Variants in PVT1 observed in about 807,000 individuals in gnomAD.
PVT1 encodes the protein Pvt1 oncogene.
chr8:127,968,392 G>C (rs1293980950), intron 3 of PVT1, among the ~76,000 whole-genome samples: 1 of 152,050 alleles, frequency 6.6e-6, no homozygotes, highest in Non-Finnish European at 1.5e-5. Context: ...GGGATGGGGG[G>C]TGGTTTGAAA....
chr8:127,999,128 T>C (rs562653170), intron 4 of PVT1: 5 of 152,046 alleles, frequency 3.3e-5, no homozygotes, highest in Non-Finnish European at 7.4e-5. Context: ...TTAACACATA[T>C]GAATACTTAC....
intron 4 of PVT1, among the ~76,000 whole-genome samples, chr8:128,051,533 C>A (rs1813695222): frequency 6.6e-6 from 1 of 152,114 alleles, no homozygotes; most frequent in Admixed American, 6.5e-5. Flanking sequence ...AACTTTCTAT[C>A]ACCTTCTCCT....
At chr8:127,879,480 G>C (rs1028447304) in intron 2 of PVT1, among the ~76,000 whole-genome samples, 13 of 152,320 alleles carry the variant, frequency 8.5e-5, no homozygotes, top group African/African-American at 2.9e-4. Flanking sequence ...AGTGAGCTGA[G>C]ATCACGCCAC....
chr8:128,069,154 C>T lies in PVT1; in HGVS notation n.913-1006C>T, dbSNP rs554907080. On this transcript the variant is annotated intron_variant and non_coding_transcript_variant, in intron 4 of 10. Transcript: ENST00000651587. ...GATGTGGCAATTACATAAGGTATTG[C>T]GTCCTTCCTGAGATTACACAAAACC... Among the ~76,000 whole-genome samples the T allele has an allele frequency of 6.6e-5, 10 of 152,278 alleles. No individual in the cohort carries two copies. The South Asian group carries it at 1.2e-3, about 19-fold the overall frequency.
At chr8:127,976,719 T>C (rs1201823508) in intron 3 of PVT1, among the ~76,000 whole-genome samples, 1 of 152,106 alleles carries the variant, frequency 6.6e-6, no homozygotes, top group Non-Finnish European at 1.5e-5. Flanking sequence ...CCCCATATCA[T>C]ATATCAGGTC....
intron 3 of PVT1, among the ~76,000 whole-genome samples, chr8:127,904,859 G>T (rs1005503201): frequency 6.6e-6 from 1 of 152,212 alleles, no homozygotes; most frequent in African/African-American, 2.4e-5. Context: ...ATTTCTAGAT[G>T]CTGACAGCAG....
At chr8:128,053,542 C>T (rs921889817) in intron 4 of PVT1, among the ~76,000 whole-genome samples, 1 of 151,950 alleles carries the variant, frequency 6.6e-6, no homozygotes, top group Non-Finnish European at 1.5e-5. Flanking sequence ...GTAGTCCTGC[C>T]TGATGTCCAC....
At chr8:127,948,137 CT>C in intron 3 of PVT1, 1 of 366,538 alleles carries the variant, frequency 2.7e-6, no homozygotes. Flanking sequence ...TCCAGAGTGA[CT>C]TCCCGTCTGT....
At chr8:127,852,719 C>G (rs866677787) in intron 2 of PVT1, among the ~76,000 whole-genome samples, 1 of 152,172 alleles carries the variant, frequency 6.6e-6, no homozygotes, top group African/African-American at 2.4e-5. Flanking sequence ...GTTATTGGTC[C>G]TTTATTACTA....
rs141383654 is a variant in PVT1 at position 128,049,278 on chromosome 8, G to C, written n.913-20882G>C. ...AGAAGCAGGTCATTTCGAGATGTTT[G>C]CGTCTTGGAGCCACTGATAGAAGCA... On this transcript the variant is annotated intron_variant and non_coding_transcript_variant, in intron 4 of 10. Transcript: ENST00000651587. 643 of 495,090 alleles carry C rather than the reference G, an allele frequency of 1.3e-3. 5 individuals are homozygous for C. The highest frequency in any genetic ancestry group is 4.4e-3 in the South Asian group (300 of 68,012). 30.7% of individuals were successfully genotyped at this position (495,090 alleles called of 1,614,324 possible). A position where few individuals can be genotyped will look rare whatever the true frequency, so the allele number is the denominator to read the frequency against.
chr8:128,031,227 C>A (rs1185747145), intron 4 of PVT1, among the ~76,000 whole-genome samples: 3 of 152,206 alleles, frequency 2.0e-5, no homozygotes, highest in Non-Finnish European at 4.4e-5. Context: ...GGGTGGCTGG[C>A]AGGGGAGGGA....
At chr8:128,035,800 T>C (rs1218085969) in intron 4 of PVT1, among the ~76,000 whole-genome samples, 1 of 152,100 alleles carries the variant, frequency 6.6e-6, no homozygotes. Context: ...GATATGACCA[T>C]GGAAGCAGAG....
intron 2 of PVT1, among the ~76,000 whole-genome samples, chr8:127,856,275 G>T (rs1234814150): frequency 6.6e-6 from 1 of 151,938 alleles, no homozygotes; most frequent in Non-Finnish European, 1.5e-5. Context: ...TGGGTGTCCT[G>T]GGAAGGCTTT....
At chr8:127,899,739 CG>C (rs1815735229) in intron 3 of PVT1, among the ~76,000 whole-genome samples, 1 of 152,140 alleles carries the variant, frequency 6.6e-6, no homozygotes, top group African/African-American at 2.4e-5. Flanking sequence ...GCTGAGGCAC[CG>C]GTGGAGACCT....
intron 2 of PVT1, among the ~76,000 whole-genome samples, chr8:127,810,566 T>C (rs1178979429): frequency 6.6e-6 from 1 of 152,126 alleles, no homozygotes; most frequent in African/African-American, 2.4e-5. Flanking sequence ...GGGTCAGAAA[T>C]AAGGATTGGC....
At chr8:127,975,949 C>T (rs1484541365) in intron 3 of PVT1, among the ~76,000 whole-genome samples, 1 of 152,148 alleles carries the variant, frequency 6.6e-6, no homozygotes, top group Non-Finnish European at 1.5e-5. Flanking sequence ...TTTGTCTCTG[C>T]CTGTCTGACA....
At chr8:128,041,207 A>ATGTG (rs769436938) in intron 4 of PVT1, among the ~76,000 whole-genome samples, 3 of 56,452 alleles carry the variant, frequency 5.3e-5, no homozygotes, top group Admixed American at 2.0e-4. Flanking sequence ...GTGTGTTTGC[A>ATGTG]TGTGTGTTTG....
chr8:128,052,516 A>G (rs1813710613), intron 4 of PVT1, among the ~76,000 whole-genome samples: 1 of 152,062 alleles, frequency 6.6e-6, no homozygotes, highest in African/African-American at 2.4e-5. Context: ...GTGAAGGTAT[A>G]TTTTTCATGG....
intron 5 of PVT1, among the ~76,000 whole-genome samples, chr8:128,070,765 C>G (rs1253965109): frequency 6.6e-6 from 1 of 152,194 alleles, no homozygotes; most frequent in Non-Finnish European, 1.5e-5. Context: ...CAGCCAGTCC[C>G]TGACAGAGAT....
Sources: gnomAD v4.1 joint callset for allele counts (sites outside exome capture counted in the v4.1 genomes callset) on GRCh38, gnomAD v4.1.1 for gene constraint, MANE v1.5 for transcripts, NCBI Gene and HGNC (gene_info 2026-07-23, HGNC 2026-07-21) for gene names.